The following ZNF831 variants were observed in gnomAD, a reference collection of about 807,000 sequenced individuals.
ZNF831 encodes the protein chromosome 20 open reading frame 174.
ZNF831 carries 59 observed loss-of-function variants against 95.8 expected under a neutral mutation model. The ratio of observed to expected loss-of-function variants is 0.62; its 90% CI spans 0.50 to 0.77. ZNF831 has a LOEUF of 0.77. Among genes scored for constraint, ZNF831 ranks in the 30% least tolerant of loss-of-function variants. The pLI is 0.00. For synonymous variants in ZNF831, 961 were observed against 925.5 expected (o/e 1.04, Z -0.70); for missense variants, 2,205 against 2,164.0 (o/e 1.02, Z -0.38).
intron 4 of ZNF831, among the ~76,000 whole-genome samples, chr20:59,250,505 C>G (rs559596740): frequency 6.6e-6 from 1 of 152,198 alleles, no homozygotes; most frequent in South Asian, 2.1e-4. Context: ...TTTTTTGTGC[C>G]CATTTCCTAA....
At chr20:59,143,245 G>C (rs942067048) in intron 1 of ZNF831, among the ~76,000 whole-genome samples, 1 of 152,174 alleles carries the variant, frequency 6.6e-6, no homozygotes, top group Non-Finnish European at 1.5e-5. Flanking sequence ...GCCTAGAAAA[G>C]TGCTCAAATA....
chr20:59,240,153 ATCC>A (rs1987244366), intron 4 of ZNF831, among the ~76,000 whole-genome samples: 2 of 120,644 alleles, frequency 1.7e-5, no homozygotes, highest in Non-Finnish European at 3.1e-5. Flanking sequence ...GCTGCTGTCT[ATCC>A]TCTGTGCGGA....
chr20:59,226,312 T>A (rs928579134), intron 4 of ZNF831, among the ~76,000 whole-genome samples: 3 of 152,148 alleles, frequency 2.0e-5, no homozygotes, highest in Non-Finnish European at 4.4e-5. Context: ...GCAAGCTGCC[T>A]TCTCCATGTT....
chr20:59,230,899 A>T (rs1032290644), intron 4 of ZNF831, among the ~76,000 whole-genome samples: 1 of 152,220 alleles, frequency 6.6e-6, no homozygotes, highest in Non-Finnish European at 1.5e-5. Context: ...CTCACAAATA[A>T]CCACCGGGTG....
intron 1 of ZNF831, among the ~76,000 whole-genome samples, chr20:59,145,084 C>T (rs985633611): frequency 3.3e-5 from 5 of 152,332 alleles, no homozygotes; most frequent in Admixed American, 1.3e-4. Context: ...GTCCGGTTCA[C>T]GCTCTGTTCA....
rs560121724 is a variant in ZNF831, at chr20:59,153,160, C to T, written c.-1280-6492C>T. On this transcript the variant is annotated intron_variant, in intron 2 of 7. Transcript: ENST00000637017. ...TTTCCCACCTGAGCAGTGTCTCATA[C>T]AGTCCCTGTTCCTGAGCTCAGCACC... is the stretch of plus-strand genomic sequence containing the variant. Among the ~76,000 whole-genome samples the T allele has an allele frequency of 2.0e-5, 3 of 152,336 alleles. No individual in the cohort carries two copies. In the South Asian group the frequency reaches 6.2e-4, roughly 32 times the overall value.
intron 1 of ZNF831, among the ~76,000 whole-genome samples, chr20:59,129,598 G>A (rs1044165955): frequency 2.6e-5 from 4 of 152,186 alleles, no homozygotes; most frequent in African/African-American, 9.7e-5. Context: ...ACTCCAGCCT[G>A]GGTGACAGAG....
Position 59,192,323 on chromosome 20 carries a change from C to T in ZNF831, c.1304C>T (p.Ser435Phe), listed in dbSNP as rs1983639562. ...GTGCGGCCCCGGAAGACCGGGCTGTCCAAACAGGGCAGCATCGACCTGCCC... is the reference window on the plus strand; with the variant it reads ...GTGCGGCCCCGGAAGACCGGGCTGTTCAAACAGGGCAGCATCGACCTGCCC... ...DNVRPRKTGLSKQGSIDLPTP... is the reference protein window; with the variant it reads ...DNVRPRKTGLFKQGSIDLPTP... The change falls in exon 2 of 6, where the codon TCC becomes TTC. Residue 435 changes from serine (S) to phenylalanine (F), a missense_variant. Coordinates refer to ENST00000371030, the MANE Select transcript of ZNF831 (RefSeq NM_178457.3). This position sits in a 1 kb window ranked among gnomAD's most constrained non-coding sequence, Gnocchi z 5.2. 1 of 1,599,564 alleles carries T rather than the reference C, an allele frequency of 6.3e-7. No individual in the cohort carries two copies. Among genetic ancestry groups the T allele is most frequent in the East Asian group, 2.2e-5 (1 of 44,660 alleles).
rs777523800 is a variant in ZNF831 at position 59,194,262 on chromosome 20, C to G, written c.3243C>G (p.Gly1081=). 1 of 1,614,024 alleles carries G rather than the reference C, an allele frequency of 6.2e-7. No individual in the cohort carries two copies. The highest frequency in any genetic ancestry group is 1.1e-5 in the South Asian group (1 of 91,086). The change falls in exon 2 of 6, where the codon GGC becomes GGG. Residue 1081 remains glycine (G), a synonymous_variant. Coordinates refer to ENST00000371030, the MANE Select transcript of ZNF831 (RefSeq NM_178457.3). ...ACCGTATCCATCGCCTCTGCATGGG[C>G]AGCACTTTGGCAAGGGCCAGGCTCT... The part of the protein sequence containing the change: ...DSHRIHRLCM[G]STLARARLSG...
At chr20:59,152,060 A>G (rs1412160282) in intron 2 of ZNF831, among the ~76,000 whole-genome samples, 1 of 152,192 alleles carries the variant, frequency 6.6e-6, no homozygotes, top group Admixed American at 6.5e-5. Flanking sequence ...TTGTAATGAC[A>G]GCACCTCCCT....
At chr20:59,184,929 T>C (rs1241638818) in intron 1 of ZNF831, among the ~76,000 whole-genome samples, 1 of 151,904 alleles carries the variant, frequency 6.6e-6, no homozygotes, top group Non-Finnish European at 1.5e-5. Flanking sequence ...TAACTGTTTG[T>C]GGGGGGGAAT....
intron 4 of ZNF831, among the ~76,000 whole-genome samples, chr20:59,213,391 C>T (rs776456873): frequency 2.6e-5 from 4 of 152,066 alleles, no homozygotes; most frequent in Non-Finnish European, 5.9e-5. Context: ...ATACTATTCA[C>T]TGTGAAATTG....
intron 4 of ZNF831, among the ~76,000 whole-genome samples, chr20:59,210,861 G>C (rs1332778297): frequency 1.2e-5 from 1 of 85,426 alleles, no homozygotes; most frequent in Non-Finnish European, 2.2e-5. Flanking sequence ...AAATCCCCCC[G>C]TCTCTACTAA....
At chr20:59,195,454 C>A (rs1050781315) in intron 2 of ZNF831, among the ~76,000 whole-genome samples, 1 of 152,192 alleles carries the variant, frequency 6.6e-6, no homozygotes, top group Non-Finnish European at 1.5e-5. Flanking sequence ...AGACCAGAGT[C>A]TTGCAGGCTG....
chr20:59,194,448 G>T lies in ZNF831; in HGVS notation c.3429G>T (p.Val1143=). The T allele has an allele frequency of 6.2e-7, 1 of 1,612,944 alleles. No homozygotes were observed. ...CTGCCCTCACTCGGCCTCAGGGTGT[G>T]CCCCCAGGCTGGCCAGAGCTGGCCT... ...FLTALTRPQG[V]PPGWPELALS... Residue 1143 remains valine (V), a synonymous_variant, in exon 2 of 6, where the codon GTG becomes GTT. Coordinates refer to ENST00000371030, the MANE Select transcript of ZNF831 (RefSeq NM_178457.3).
intron 1 of ZNF831, among the ~76,000 whole-genome samples, chr20:59,145,984 G>A (rs1333951891): frequency 6.6e-6 from 1 of 152,134 alleles, no homozygotes; most frequent in Non-Finnish European, 1.5e-5. Context: ...TTTTTTATCT[G>A]TTTGCAAATG....
chr20:59,183,061 T>A (rs1247663003), intron 1 of ZNF831, among the ~76,000 whole-genome samples: 1 of 152,166 alleles, frequency 6.6e-6, no homozygotes, highest in Non-Finnish European at 1.5e-5. Context: ...GGTTTCAATG[T>A]GGGGCCATTT....
chr20:59,129,495 C>A (rs943077280), intron 1 of ZNF831, among the ~76,000 whole-genome samples: 1 of 152,108 alleles, frequency 6.6e-6, no homozygotes, highest in Non-Finnish European at 1.5e-5. Flanking sequence ...TGGTGGCGGG[C>A]GCCTGTAATC....
intron 4 of ZNF831, among the ~76,000 whole-genome samples, chr20:59,248,058 A>C (rs559691057): frequency 1.3e-5 from 2 of 152,364 alleles, no homozygotes; most frequent in South Asian, 4.1e-4. Flanking sequence ...TCTTCCTCTA[A>C]ATGCAGTCTG....
Sources: gnomAD v4.1 joint callset for allele counts (sites outside exome capture counted in the v4.1 genomes callset) on GRCh38, gnomAD v4.1.1 for gene constraint, Gnocchi (gnomAD v3.1) non-coding constraint, MANE v1.5 for transcripts, NCBI Gene and HGNC (gene_info 2026-07-23, HGNC 2026-07-21) for gene names.